The following STXBP5L variants were observed in gnomAD, a reference collection of about 807,000 sequenced individuals.
The protein encoded by STXBP5L is syntaxin-binding protein 5-like.
STXBP5L carries 65 observed loss-of-function variants against 144.5 expected under a neutral mutation model. The observed-to-expected ratio is 0.45, with a 90% CI of 0.37 to 0.55. STXBP5L has a LOEUF of 0.55. Ranked by LOEUF, STXBP5L falls within the 20% of genes least tolerant of loss-of-function variation. The pLI, the probability that STXBP5L is intolerant of heterozygous loss-of-function variation, is 0.00. For synonymous variants in STXBP5L, 505 were observed against 469.6 expected, an observed-to-expected ratio of 1.08 and a Z score of -0.97; for missense variants, 1,298 against 1,405.5, an observed-to-expected ratio of 0.92 and a Z score of 1.22.
At chr3:121,414,185 T>A (rs1339187975) in intron 24 of STXBP5L, among the ~76,000 whole-genome samples, 1 of 152,062 alleles carries the variant, frequency 6.6e-6, no homozygotes, top group African/African-American at 2.4e-5. Context: ...AATACTTGGC[T>A]AGACTCTAGG....
chr3:121,069,773 A>G (rs2041720582), intron 5 of STXBP5L, among the ~76,000 whole-genome samples: 1 of 152,052 alleles, frequency 6.6e-6, no homozygotes, highest in Admixed American at 6.5e-5. Flanking sequence ...TTTTTGTTTA[A>G]GGTATGAGAT....
At chr3:120,913,833 C>T (rs983533159) in intron 2 of STXBP5L, among the ~76,000 whole-genome samples, 1 of 151,910 alleles carries the variant, frequency 6.6e-6, no homozygotes, top group Admixed American at 6.6e-5. Flanking sequence ...TAGAATGGTG[C>T]CTGGCCCATT....
intron 24 of STXBP5L, among the ~76,000 whole-genome samples, chr3:121,413,643 T>C (rs570121944): frequency 4.3e-4 from 65 of 152,308 alleles, no homozygotes; most frequent in African/African-American, 1.6e-3. Flanking sequence ...AATATGTATG[T>C]AAACACAAAA....
At chr3:121,171,581 A>G (rs2046720006) in intron 9 of STXBP5L, among the ~76,000 whole-genome samples, 1 of 152,194 alleles carries the variant, frequency 6.6e-6, no homozygotes, top group South Asian at 2.1e-4. Flanking sequence ...CCAAGTCATG[A>G]GTGAACTCTC....
rs1553740394 is a variant in STXBP5L, at chr3:121,211,581, T to TC, written c.956+5580_956+5581insC. ...TATTTCCTGACTTTTTTTCTTTCTTTTTTTTTTTTTTTTTTTGAGACAGAG... is the reference window on the plus strand; with the variant it reads ...TATTTCCTGACTTTTTTTCTTTCTTTCTTTTTTTTTTTTTTTTGAGACAGAG... On this transcript the variant is annotated intron_variant, in intron 10 of 26. Coordinates refer to ENST00000471454, the MANE Select transcript of STXBP5L (RefSeq NM_001308330.2). 5.6e-4 allele frequency among the ~76,000 whole-genome samples: 79 copies of TC among 140,608 alleles called. 3 individuals carry two copies. In the South Asian group the frequency reaches 0.01, roughly 18 times the overall value. The allele number at this position is 140,608 out of a possible 152,430, so 92.2% of individuals were successfully genotyped here. A position where few individuals can be genotyped will look rare whatever the true frequency, so the allele number is the denominator to read the frequency against.
At chr3:121,159,310 T>C (rs1260291463) in intron 9 of STXBP5L, among the ~76,000 whole-genome samples, 1 of 152,098 alleles carries the variant, frequency 6.6e-6, no homozygotes, top group Non-Finnish European at 1.5e-5. Context: ...TTCTAATTTC[T>C]AAACATTTTC....
At chr3:120,967,478 C>G (rs1939738006) in intron 3 of STXBP5L, among the ~76,000 whole-genome samples, 1 of 152,164 alleles carries the variant, frequency 6.6e-6, no homozygotes, top group Admixed American at 6.5e-5. Flanking sequence ...CCTAGCAAGC[C>G]TGGGCTGGGA....
chr3:120,991,922 T>G (rs1194561482), intron 3 of STXBP5L, among the ~76,000 whole-genome samples: 1 of 152,212 alleles, frequency 6.6e-6, no homozygotes, highest in Non-Finnish European at 1.5e-5. Flanking sequence ...GTAACTAACA[T>G]GCACGTTGTG....
intron 3 of STXBP5L, among the ~76,000 whole-genome samples, chr3:120,965,472 G>A (rs1173681991): frequency 6.6e-6 from 1 of 152,114 alleles, no homozygotes; most frequent in African/African-American, 2.4e-5. Flanking sequence ...GGCAGGCCTG[G>A]TGTGACAAAA....
chr3:121,003,663 T>C (rs1330667876), intron 3 of STXBP5L, among the ~76,000 whole-genome samples: 1 of 152,354 alleles, frequency 6.6e-6, no homozygotes, highest in Middle Eastern at 3.4e-3. Flanking sequence ...CTAGGTTTTC[T>C]TCTAGGGTTT....
At chr3:121,032,031 A>G (rs949740034) in intron 3 of STXBP5L, among the ~76,000 whole-genome samples, 1 of 152,112 alleles carries the variant, frequency 6.6e-6, no homozygotes, top group South Asian at 2.1e-4. Context: ...AAGTAGAGTG[A>G]TCTACTGAGT....
At chr3:121,104,445 G>A (rs1357819073) in intron 5 of STXBP5L, among the ~76,000 whole-genome samples, 5 of 151,984 alleles carry the variant, frequency 3.3e-5, no homozygotes, top group Admixed American at 3.3e-4. Flanking sequence ...ACCAAAGCAA[G>A]ACTAAGCAAA....
chr3:120,915,155 G>C (rs1709045498), intron 2 of STXBP5L, among the ~76,000 whole-genome samples: 1 of 152,204 alleles, frequency 6.6e-6, no homozygotes. Context: ...CATACTTTTT[G>C]TATTTCTCAT....
At chr3:121,391,450 T>G (rs2046582118) in intron 22 of STXBP5L, among the ~76,000 whole-genome samples, 2 of 152,236 alleles carry the variant, frequency 1.3e-5, no homozygotes. Context: ...GCTGTGATCC[T>G]TTGGAAGAGA....
At position 121,378,088 on chromosome 3, in the gene STXBP5L, A is replaced by G. The variant is rs191476765; in HGVS notation, c.2177-628A>G. Among the ~76,000 whole-genome samples, 711 of 151,804 alleles carry G rather than the reference A, an allele frequency of 4.7e-3. 9 individuals carry two copies. The highest frequency in any genetic ancestry group is 0.016 in the African/African-American group (663 of 41,416). On this transcript the variant is annotated intron_variant, in intron 20 of 26. Coordinates refer to ENST00000471454, the MANE Select transcript of STXBP5L (RefSeq NM_001308330.2). ...ACAGGAACAGAAAACCAAACACCAC[A>G]TGTTCTCATTCATAAGTGGGAGTTA...
At chr3:121,067,703 C>A (rs28790007) in intron 5 of STXBP5L, among the ~76,000 whole-genome samples, 3,077 of 152,134 alleles carry the variant, frequency 0.02, 93 homozygotes, top group African/African-American at 0.068. Flanking sequence ...TAAGAGAGGA[C>A]CGTTAAAAGC....
At chr3:120,943,382 T>A (rs1452366751) in intron 2 of STXBP5L, among the ~76,000 whole-genome samples, 1 of 151,694 alleles carries the variant, frequency 6.6e-6, no homozygotes, top group Non-Finnish European at 1.5e-5. Context: ...TTGCCAAGGT[T>A]TATTTTGTAA....
Position 120,944,267 on chromosome 3 carries a change from G to T in STXBP5L, c.190-10673G>T, listed in dbSNP as rs1218271101. Among the ~76,000 whole-genome samples the T allele has an allele frequency of 4.6e-5, 7 of 151,136 alleles. No homozygotes were observed. The Admixed American group carries it at 4.6e-4, about 10-fold the overall frequency. ...TTAAGTAAAAATACAAAAATAAAGA[G>T]CAAAAAATATTGAAAAGTGGTTGCA... On this transcript the variant is annotated intron_variant, in intron 2 of 26. Coordinates refer to ENST00000471454, the MANE Select transcript of STXBP5L (RefSeq NM_001308330.2).
At chr3:121,241,763 A>C (rs2049680012) in intron 14 of STXBP5L, among the ~76,000 whole-genome samples, 3 of 152,312 alleles carry the variant, frequency 2.0e-5, no homozygotes, top group South Asian at 4.1e-4. Context: ...AACTTATCAA[A>C]TTTAGCAAAA....
Sources: gnomAD v4.1 joint callset for allele counts (sites outside exome capture counted in the v4.1 genomes callset) on GRCh38, gnomAD v4.1.1 for gene constraint, MANE v1.5 for transcripts, NCBI Gene and HGNC (gene_info 2026-07-23, HGNC 2026-07-21) for gene names.